Variants in RBFOX1 observed in about 807,000 individuals in gnomAD.
The protein encoded by RBFOX1 is RNA binding protein fox-1 homolog 1.
RBFOX1 carries 8 observed loss-of-function variants against 57.7 expected under a neutral mutation model. The ratio of observed to expected loss-of-function variants is 0.14; its 90% confidence interval spans 0.08 to 0.25. The LOEUF is 0.25. RBFOX1 is among the 10% of genes least tolerant of loss of function. The pLI is 1.00. For missense variants in RBFOX1, 611 were observed against 548.5 expected (o/e 1.11, Z -1.14); for synonymous variants, 326 against 222.4 (o/e 1.47, Z -4.15).
At chr16:5,667,428 A>C (rs913160474) in intron 3 of RBFOX1, among the ~76,000 whole-genome samples, 2 of 152,224 alleles carry the variant, frequency 1.3e-5, no homozygotes, top group Non-Finnish European at 2.9e-5. Flanking sequence ...TTTTCTGTTT[A>C]GAAATATATT....
At chr16:5,571,917 G>C (rs2046297223) in intron 2 of RBFOX1, among the ~76,000 whole-genome samples, 1 of 152,228 alleles carries the variant, frequency 6.6e-6, no homozygotes, top group African/African-American at 2.4e-5. Flanking sequence ...TTAGAGGCGT[G>C]AGCCACTGTG....
intron 1 of RBFOX1, among the ~76,000 whole-genome samples, chr16:6,068,932 G>A (rs1170347998): frequency 6.6e-6 from 1 of 152,096 alleles, no homozygotes; most frequent in Non-Finnish European, 1.5e-5. Flanking sequence ...TTTGGCCCGG[G>A]AACAGGAGGG....
At chr16:5,782,617 G>C (rs1030746197) in intron 3 of RBFOX1, among the ~76,000 whole-genome samples, 2 of 152,308 alleles carry the variant, frequency 1.3e-5, no homozygotes, top group South Asian at 2.1e-4. Context: ...GGTTCTCCAG[G>C]GAAACAGAAC....
At chr16:6,932,680 A>T (rs2076756189) in intron 3 of RBFOX1, among the ~76,000 whole-genome samples, 2 of 152,188 alleles carry the variant, frequency 1.3e-5, no homozygotes, top group Non-Finnish European at 2.9e-5. Context: ...GAAGTGCTCA[A>T]ACACATGTCT....
At chr16:5,640,832 TGC>T (rs1567334395) in intron 3 of RBFOX1, among the ~76,000 whole-genome samples, 1 of 58,888 alleles carries the variant, frequency 1.7e-5, no homozygotes, top group African/African-American at 3.9e-5. Flanking sequence ...TACACATACA[TGC>T]ACACACACAC....
intron 4 of RBFOX1, among the ~76,000 whole-genome samples, chr16:7,201,207 C>G (rs746242870): frequency 1.3e-5 from 2 of 152,136 alleles, no homozygotes; most frequent in Admixed American, 6.5e-5. Flanking sequence ...GTATATGCAC[C>G]TCTCAGGGAG....
At chr16:5,815,897 G>A (rs910645535) in intron 3 of RBFOX1, among the ~76,000 whole-genome samples, 1 of 152,174 alleles carries the variant, frequency 6.6e-6, no homozygotes, top group African/African-American at 2.4e-5. Flanking sequence ...GGCTGCGTTA[G>A]GTTTGAAATC....
At chr16:5,506,710 C>T in intron 2 of RBFOX1, among the ~76,000 whole-genome samples, 1 of 152,100 alleles carries the variant, frequency 6.6e-6, no homozygotes, top group East Asian at 1.9e-4. Flanking sequence ...TGGGTTACGG[C>T]TTCCCCAGGG....
At chr16:6,454,584 CA>C (rs1236298966) in intron 2 of RBFOX1, among the ~76,000 whole-genome samples, 2 of 151,982 alleles carry the variant, frequency 1.3e-5, no homozygotes, top group Non-Finnish European at 2.9e-5. Context: ...AAAATGAAAA[CA>C]AACAAAAAAC....
Position 5,263,343 on chromosome 16 carries a change from T to C in RBFOX1, c.219+23238T>C, listed in dbSNP as rs545584137. Among the ~76,000 whole-genome samples, 5 of 152,176 alleles carry C rather than the reference T, an allele frequency of 3.3e-5. No individual in the cohort carries two copies. The East Asian group carries it at 9.7e-4, about 29-fold the overall frequency. ...ATCTGCAATTACTTTTGCACCAACC[T>C]AATGCGATGCAAACTTCAGAGCTGT... On this transcript the variant is annotated intron_variant, in intron 1 of 2. Coordinates refer to the RBFOX1 transcript ENST00000585867.
chr16:6,436,625 A>G (rs1474303911), intron 2 of RBFOX1, among the ~76,000 whole-genome samples: 2 of 151,162 alleles, frequency 1.3e-5, no homozygotes, highest in Non-Finnish European at 2.9e-5. Context: ...TTTCTTCTCA[A>G]CACTTACTGT....
chr16:5,779,037 C>CTAT (rs1316747424), intron 3 of RBFOX1, among the ~76,000 whole-genome samples: 2 of 152,096 alleles, frequency 1.3e-5, no homozygotes, highest in Non-Finnish European at 2.9e-5. Flanking sequence ...ATGAACCAAC[C>CTAT]TATTACTAGA....
At chr16:6,175,458 C>T (rs982738142) in intron 1 of RBFOX1, among the ~76,000 whole-genome samples, 1 of 152,130 alleles carries the variant, frequency 6.6e-6, no homozygotes, top group Admixed American at 6.5e-5. Context: ...TTTATTTAAT[C>T]CAGTTGGTCC....
intron 4 of RBFOX1, among the ~76,000 whole-genome samples, chr16:7,475,762 T>C (rs1351263788): frequency 6.6e-6 from 1 of 152,134 alleles, no homozygotes. Flanking sequence ...ATATGAGAAT[T>C]TGATTGTGTT....
chr16:6,151,442 C>T (rs1268055867), intron 1 of RBFOX1, among the ~76,000 whole-genome samples: 1 of 152,092 alleles, frequency 6.6e-6, no homozygotes. Flanking sequence ...CGCTTCACCA[C>T]ACCCGGCTAA....
intron 1 of RBFOX1, among the ~76,000 whole-genome samples, chr16:6,220,465 C>T (rs888184078): frequency 3.3e-5 from 5 of 152,166 alleles, no homozygotes; most frequent in Admixed American, 2.6e-4. Context: ...TTTCATTTCT[C>T]CTAGATTCCC....
intron 3 of RBFOX1, among the ~76,000 whole-genome samples, chr16:5,640,505 TATACATGCAC>T (rs2048826518): frequency 1.3e-5 from 2 of 150,774 alleles, no homozygotes; most frequent in South Asian, 4.2e-4. Flanking sequence ...ACACCATGCA[TATACATGCAC>T]ATACACACAT....
At chr16:7,543,328 C>G (rs907462207) in intron 5 of RBFOX1, among the ~76,000 whole-genome samples, 1 of 152,148 alleles carries the variant, frequency 6.6e-6, no homozygotes, top group East Asian at 1.9e-4. Flanking sequence ...TGAAGGGTGT[C>G]AGATTCTGGG....
At chr16:5,794,225 C>T (rs1459908913) in intron 3 of RBFOX1, among the ~76,000 whole-genome samples, 5 of 152,184 alleles carry the variant, frequency 3.3e-5, no homozygotes, top group Non-Finnish European at 1.5e-5. Context: ...ACAGAAAACA[C>T]TTACAAAATG....
Sources: gnomAD v4.1 joint callset for allele counts (sites outside exome capture counted in the v4.1 genomes callset) on GRCh38, gnomAD v4.1.1 for gene constraint, MANE v1.5 for transcripts, NCBI Gene and HGNC (gene_info 2026-07-23, HGNC 2026-07-21) for gene names.